RGS3: variants seen among roughly 807,000 people sequenced by gnomAD.
RGS3 encodes the protein regulator of G protein signaling 3, also known as regulator of G-protein signalling 3.
RGS3 carries 80 observed loss-of-function variants against 132.6 expected under a neutral mutation model. The observed-to-expected ratio is 0.60, with a 90% CI of 0.50 to 0.73. The LOEUF (loss-of-function observed/expected upper bound fraction) is 0.73, where lower values mean the gene tolerates loss of function less well. RGS3 is among the 30% of genes least tolerant of loss of function. The pLI, the probability that RGS3 is intolerant of heterozygous loss-of-function variation, is 0.00. For missense variants in RGS3, 1,382 were observed against 1,530.8 expected (o/e 0.90, Z 1.62); for synonymous variants, 598 against 620.6 (o/e 0.96, Z 0.54).
At chr9:113,550,812 A>G (rs571002208) in intron 19 of RGS3, among the ~76,000 whole-genome samples, 2 of 152,046 alleles carry the variant, frequency 1.3e-5, no homozygotes, top group South Asian at 4.2e-4. Context: ...TCATTTTTCT[A>G]TTGGGATTTT....
chr9:113,523,350 T>A (rs1832053886), intron 17 of RGS3, among the ~76,000 whole-genome samples: 1 of 152,184 alleles, frequency 6.6e-6, no homozygotes, highest in Non-Finnish European at 1.5e-5. Flanking sequence ...CCCTCCATAC[T>A]GGGATGACTG....
chr9:113,556,601 C>T (rs968765089), intron 19 of RGS3, among the ~76,000 whole-genome samples: 3 of 152,160 alleles, frequency 2.0e-5, no homozygotes, highest in Non-Finnish European at 2.9e-5. Context: ...CTCCAGAGCC[C>T]GTGTCCTTAG....
At chr9:113,552,474 G>C (rs1230099133) in intron 19 of RGS3, among the ~76,000 whole-genome samples, 1 of 152,102 alleles carries the variant, frequency 6.6e-6, no homozygotes, top group East Asian at 1.9e-4. Context: ...CCACCACCAC[G>C]CCCGGCTAAT....
At chr9:113,488,369 A>G (rs1191859934) in intron 7 of RGS3, among the ~76,000 whole-genome samples, 2 of 152,194 alleles carry the variant, frequency 1.3e-5, no homozygotes, top group East Asian at 3.8e-4. Flanking sequence ...AGACAGAGAT[A>G]TGGGAGCCAT....
intron 19 of RGS3, among the ~76,000 whole-genome samples, chr9:113,576,186 C>T (rs1390812305): frequency 4.0e-5 from 6 of 151,198 alleles, no homozygotes; most frequent in Non-Finnish European, 7.4e-5. Context: ...GGCGACAGAG[C>T]GAGACTCCAT....
intron 19 of RGS3, chr9:113,541,922 C>T: frequency 1.1e-6 from 1 of 945,736 alleles, no homozygotes; most frequent in Non-Finnish European, 1.3e-6. Context: ...ATGCTAGGAG[C>T]TGGGGATACT....
intron 8 of RGS3, among the ~76,000 whole-genome samples, 153 bp from the exon 7 acceptor site, chr9:113,497,161 T>C (rs76955252): frequency 0.099 from 15,118 of 152,084 alleles, 1,001 homozygotes; most frequent in East Asian, 0.21. Context: ...TTCCTGGAGG[T>C]GCAGGCATGG....
chr9:113,501,659 T>A (rs777683451), intron 10 of RGS3: 1 of 1,551,476 alleles, frequency 6.4e-7, no homozygotes, highest in Non-Finnish European at 8.7e-7. Context: ...GTGGGGAGCC[T>A]GTGGGGTGTT....
chr9:113,504,378 G>C (rs1360552464), intron 10 of RGS3, among the ~76,000 whole-genome samples: 1 of 152,184 alleles, frequency 6.6e-6, no homozygotes, highest in Non-Finnish European at 1.5e-5. Flanking sequence ...TCCCTTTTCT[G>C]ATTTGTGCTG....
chr9:113,575,012 A>G (rs1834448714), intron 19 of RGS3, among the ~76,000 whole-genome samples: 1 of 152,186 alleles, frequency 6.6e-6, no homozygotes, highest in Non-Finnish European at 1.5e-5. Context: ...CTACGAGTCC[A>G]CCCATGTTGA....
At chr9:113,521,632 A>T (rs1040190489) in intron 16 of RGS3, among the ~76,000 whole-genome samples, 2 of 152,236 alleles carry the variant, frequency 1.3e-5, no homozygotes, top group Non-Finnish European at 2.9e-5. Flanking sequence ...AAGTTAGCAC[A>T]ATTCATTTTA....
At position 113,452,103 on chromosome 9, in the gene RGS3, A is replaced by G. The variant is rs1023888749; in HGVS notation, c.-13+7176A>G. Among the ~76,000 whole-genome samples the G allele has an allele frequency of 4.6e-5, 7 of 152,166 alleles. No individual in the cohort carries two copies. In the East Asian group the frequency reaches 1.3e-3, roughly 29 times the overall value. ...AGCCTCAAATTCCTGGGCTCAAGCA[A>G]TCCTCCCACCTCAGCCTCCCGAGTA... On this transcript the variant is annotated intron_variant, in intron 1 of 25. Coordinates refer to the RGS3 transcript ENST00000374140.
chr9:113,507,418 G>A lies in RGS3; in HGVS notation c.1217G>A (p.Arg406Gln), dbSNP rs761686605. ...GACCTCCAGTCACCCCCCAACAAAC[G>A]GGAGAAGAACTGCACCCATGGGGTC... Residue 406 changes from arginine to glutamine, a missense_variant, in exon 13 of 25, where the codon CGG (arginine) becomes CAG (glutamine). Arg to Gln is a conservative substitution (Grantham distance 43, BLOSUM62 1). Coordinates refer to ENST00000350696, the Ensembl canonical transcript of RGS3. This position sits in a 1 kb window ranked among gnomAD's most constrained non-coding sequence, Gnocchi z 5.0. The A allele has an allele frequency of 2.8e-5, 45 of 1,613,802 alleles. No homozygotes were observed. The South Asian group carries it at 4.3e-4, about 15-fold the overall frequency.
chr9:113,514,685 TC>T (rs1385948114), intron 15 of RGS3, 31 bp downstream of exon 13: 1 of 1,605,562 alleles, frequency 6.2e-7, no homozygotes, highest in African/African-American at 1.3e-5. Context: ...AAAGGTTCCC[TC>T]AGGAGGAACG....
intron 18 of RGS3, among the ~76,000 whole-genome samples, chr9:113,531,988 C>A (rs535334899): frequency 2.0e-5 from 3 of 152,164 alleles, no homozygotes; most frequent in African/African-American, 7.2e-5. Context: ...TTTAAAGAGG[C>A]CAAGAGGAGC....
upstream of RGS3, among the ~76,000 whole-genome samples, chr9:113,457,955 A>T (rs754040168): frequency 6.6e-6 from 1 of 152,242 alleles, no homozygotes. Flanking sequence ...CAAAAACCAA[A>T]TAAGGTTAGA....
rs762755974 is a variant in RGS3 at position 113,505,423 on chromosome 9, G to A, written c.898-19G>A. On this transcript the variant is annotated intron_variant, in intron 10 of 24. Transcript: ENST00000350696. ...GAGCCTCCAGCTTCTGGCAGTGACC[G>A]GGCAGGGCTGTGTCCTAGATCACCA... is the stretch of plus-strand genomic sequence containing the variant. The A allele has an allele frequency of 1.2e-5, 20 of 1,612,458 alleles. No individual in the cohort carries two copies. The highest frequency in any genetic ancestry group is 1.4e-5 in the Non-Finnish European group (17 of 1,178,660).
At chr9:113,580,741 G>A (rs1398950888) in intron 19 of RGS3, 1 of 955,600 alleles carries the variant, frequency 1.0e-6, no homozygotes, top group African/African-American at 1.8e-5. Context: ...GGCTTTGTTT[G>A]GTTTGGCCTC....
intron 3 of RGS3, among the ~76,000 whole-genome samples, chr9:113,462,924 T>C (rs1829510035): frequency 6.6e-6 from 1 of 152,244 alleles, no homozygotes; most frequent in Non-Finnish European, 1.5e-5. Flanking sequence ...AACAGAGATT[T>C]GCAGAGCAGA....
Sources: gnomAD v4.1 joint callset for allele counts (sites outside exome capture counted in the v4.1 genomes callset) on GRCh38, gnomAD v4.1.1 for gene constraint, Gnocchi (gnomAD v3.1) non-coding constraint, MANE v1.5 for transcripts, NCBI Gene and HGNC (gene_info 2026-07-23, HGNC 2026-07-21) for gene names.